ZFP64: variants seen among roughly 807,000 people sequenced by gnomAD.
ZFP64 encodes the protein zinc finger protein 64.
In ZFP64, 14 loss-of-function variants were observed where a neutral mutation model predicts 51.6. That is an observed-to-expected ratio of 0.27 (90% CI 0.18 to 0.42). The LOEUF is 0.42. Among genes scored for constraint, ZFP64 ranks in the 10% least tolerant of loss-of-function variants. The pLI is 1.00. For synonymous variants in ZFP64, 375 were observed against 361.4 expected (o/e 1.04, Z -0.43); for missense variants, 754 against 906.8 (o/e 0.83, Z 2.16).
downstream of ZFP64, among the ~76,000 whole-genome samples, chr20:52,148,492 G>A (rs567338176): frequency 1.3e-5 from 2 of 152,220 alleles, no homozygotes; most frequent in Non-Finnish European, 2.9e-5. Flanking sequence ...CTGGAGGCCA[G>A]GAGTTTAAGA....
In ZFP64 at chr20:52,188,378, G is replaced by A. The variant is rs369743069; in HGVS notation, c.47-1307C>T. 5.1e-3 allele frequency among the ~76,000 whole-genome samples: 712 copies of A among 138,314 alleles called. 4 individuals are homozygous for A. Among genetic ancestry groups the A allele is most frequent in the African/African-American group, 0.017 (648 of 37,064 alleles). 90.7% of individuals were successfully genotyped at this position (138,314 alleles called of 152,430 possible). A position where few individuals can be genotyped will look rare whatever the true frequency, so the allele number is the denominator to read the frequency against. On this transcript the variant is annotated intron_variant, in intron 1 of 5. Transcript: ENST00000216923. ...CACCCAGGTTGGAGTGCAGTGGTGC[G>A]ATCTCGGCTCACTGCAAGCTCTGCC...
exon 9 of ZFP64, chr20:52,084,427 G>T: frequency 2.3e-6 from 2 of 858,884 alleles, no homozygotes; most frequent in Non-Finnish European, 3.5e-6. Context: ...GCCTCTGAAG[G>T]CCTGTGAAGT....
intron 7 of ZFP64, among the ~76,000 whole-genome samples, chr20:52,094,663 G>T (rs1244720610): frequency 6.6e-6 from 1 of 152,128 alleles, no homozygotes; most frequent in Non-Finnish European, 1.5e-5. Context: ...AGAAGCAGAG[G>T]CATGAGGATC....
intron 5 of ZFP64, among the ~76,000 whole-genome samples, chr20:52,102,881 T>TA (rs1234063462): frequency 6.6e-6 from 1 of 152,228 alleles, no homozygotes; most frequent in African/African-American, 2.4e-5. Flanking sequence ...TAAATGCTAT[T>TA]AGTGTTATTC....
Position 52,181,103 on chromosome 20 carries a change from C to T in ZFP64, c.286+5729G>A, listed in dbSNP as rs143809222. 5.7e-3 allele frequency among the ~76,000 whole-genome samples: 863 copies of T among 152,066 alleles called. 11 individuals are homozygous for T. Among genetic ancestry groups the T allele is most frequent in the African/African-American group, 0.02 (826 of 41,508 alleles). On this transcript the variant is annotated intron_variant, in intron 2 of 5. Transcript: ENST00000216923. ...GATTACAGGCACCTGCCACCATGCC[C>T]GGCTAATTTTTGTATTTTTAGTAGA...
At position 52,175,962 on chromosome 20, in the gene ZFP64, C is replaced by A. The variant is rs184745611; in HGVS notation, c.287-9937G>T. The A allele has an allele frequency of 1.5e-5, 15 of 984,466 alleles. No homozygotes were observed. The Admixed American group carries it at 5.0e-4, about 33-fold the overall frequency. The allele number at this position is 984,466 out of a possible 1,614,324, so 61.0% of individuals were successfully genotyped here. ...AACGGCCTTTACCGTCCACAGTGGGCGTTAGACCGGCCCAAATGTCCCTCC... is the reference window on the plus strand; with the variant it reads ...AACGGCCTTTACCGTCCACAGTGGGAGTTAGACCGGCCCAAATGTCCCTCC... On this transcript the variant is annotated intron_variant, in intron 2 of 5. Coordinates refer to ENST00000216923, the MANE Select transcript of ZFP64 (RefSeq NM_018197.3).
chr20:52,152,101 C>T lies in ZFP64; in HGVS notation c.*45G>A. 6.4e-7 allele frequency: 1 copy of T among 1,570,820 alleles called. No homozygotes were observed. The highest frequency in any genetic ancestry group is 1.2e-5 in the South Asian group (1 of 85,132). ...TTTTAGAGAATTCTACTTAAGATTT[C>T]TTTTTCTCAATTCCTTTCCCCCACT... On this transcript the variant is annotated 3_prime_UTR_variant, in exon 6 of 6. Transcript: ENST00000216923.
At chr20:52,129,143 G>A (rs180675080) in intron 5 of ZFP64, among the ~76,000 whole-genome samples, 2 of 148,976 alleles carry the variant, frequency 1.3e-5, no homozygotes, top group Admixed American at 1.3e-4. Context: ...GAGCAGTGGC[G>A]CGATCTCGGC....
chr20:52,096,999 G>A, intron 7 of ZFP64: 1 of 565,654 alleles, frequency 1.8e-6, no homozygotes, highest in Non-Finnish European at 3.5e-6. Flanking sequence ...GGTAAATGAA[G>A]GAGCATGCCA....
chr20:52,104,309 G>A (rs896429203), intron 5 of ZFP64, among the ~76,000 whole-genome samples: 1 of 152,206 alleles, frequency 6.6e-6, no homozygotes, highest in Non-Finnish European at 1.5e-5. Flanking sequence ...CCCTCCCGCA[G>A]GCTCTTCTGA....
intron 5 of ZFP64, chr20:52,111,139 G>T: frequency 1.4e-6 from 1 of 726,464 alleles, no homozygotes; most frequent in Non-Finnish European, 2.5e-6. Flanking sequence ...CACATCGCCG[G>T]GTTCCGCGAC....
intron 7 of ZFP64, among the ~76,000 whole-genome samples, chr20:52,092,026 T>C (rs910419527): frequency 6.6e-6 from 1 of 151,988 alleles, no homozygotes; most frequent in African/African-American, 2.4e-5. Context: ...TAGTCTATAA[T>C]GGCTTTAAAG....
rs2078860196 is a variant in ZFP64, at chr20:52,085,982, G to A, written c.1229-716C>T. Among the ~76,000 whole-genome samples the A allele has an allele frequency of 6.6e-6, 1 of 152,074 alleles. No homozygotes were observed. The highest frequency in any genetic ancestry group is 1.5e-5 in the Non-Finnish European group (1 of 68,024). On this transcript the variant is annotated intron_variant, in intron 8 of 8. Coordinates refer to the ZFP64 transcript ENST00000361387. This position sits in a 1 kb window ranked among gnomAD's most constrained non-coding sequence, Gnocchi z 4.3. ...CCATCCTTTCCCTAACCTCTCCCCT[G>A]CATTCTGGTGGTTGTGACTTTTACA...
At chr20:52,116,222 A>G (rs77774092) in intron 5 of ZFP64, among the ~76,000 whole-genome samples, 26,584 of 147,940 alleles carry the variant, frequency 0.18, 2,468 homozygotes, top group Non-Finnish European at 0.21. Flanking sequence ...TGTAACTTCC[A>G]CCTCCCAGGT....
At chr20:52,127,181 A>C (rs190924830) in intron 5 of ZFP64, among the ~76,000 whole-genome samples, 19 of 151,916 alleles carry the variant, frequency 1.3e-4, no homozygotes, top group African/African-American at 4.1e-4. Context: ...CAATCTCCTG[A>C]CCTCATGATC....
intron 2 of ZFP64, among the ~76,000 whole-genome samples, chr20:52,167,315 A>C (rs1225811873): frequency 6.6e-6 from 1 of 152,072 alleles, no homozygotes; most frequent in Non-Finnish European, 1.5e-5. Context: ...ACAAGAGCAA[A>C]ACTCTGTCTC....
chr20:52,147,816 A>G (rs1304096163), downstream of ZFP64, among the ~76,000 whole-genome samples: 1 of 152,078 alleles, frequency 6.6e-6, no homozygotes, highest in Non-Finnish European at 1.5e-5. Context: ...GGAGTGCAAG[A>G]CCAGCCTGGT....
chr20:52,186,862 T>C lies in ZFP64; in HGVS notation c.256A>G (p.Thr86Ala). Reference sequence around the variant, plus strand: ...ATTGTCTGGGTCTCCGAGGTGATGGTTCTGGTGGTGGTCTGAGTCTGGGTG... The same window carrying C: ...ATTGTCTGGGTCTCCGAGGTGATGGCTCTGGTGGTGGTCTGAGTCTGGGTG... The part of the protein sequence containing the change: ...PATQTQTTTR[T>A]ITSETQTITV... Residue 86 changes from threonine (T) to alanine (A), a missense_variant, in exon 2 of 6, where the codon ACC (threonine) becomes GCC (alanine). Around this residue, in one of 3 missense-constraint regions of ZFP64, gnomAD observed 231 missense variants for 336.7 expected, o/e 0.69. Transcript: ENST00000216923. 6.2e-7 allele frequency: 1 copy of C among 1,612,940 alleles called. No individual in the cohort carries two copies. The highest frequency in any genetic ancestry group is 8.5e-7 in the Non-Finnish European group (1 of 1,179,016).
rs1286918605 is a variant in ZFP64, at chr20:52,153,356, C to T, written c.836G>A (p.Arg279Gln). 1.9e-6 allele frequency: 3 copies of T among 1,614,194 alleles called. No individual in the cohort carries two copies. The highest frequency in any genetic ancestry group is 2.2e-5 in the South Asian group (2 of 91,086). ...KISSDLKRHM[R>Q]VHSGEKPFKC... is the part of the protein sequence containing the mutation. ...GAAAGGCTTCTCCCCCGAGTGCACC[C>T]GCATGTGCCTTTTCAAGTCCGAGCT... Residue 279 changes from arginine (R) to glutamine (Q), a missense_variant, in exon 6 of 6, where the codon CGG (arginine) becomes CAG (glutamine). By Grantham distance (43) the Arg-to-Gln change is conservative (BLOSUM62 1). Around this residue, in one of 3 missense-constraint regions of ZFP64, gnomAD observed 231 missense variants for 336.7 expected, o/e 0.69. Transcript: ENST00000216923. The surrounding 1 kb of genome is among the most constrained non-coding windows in gnomAD (Gnocchi z 5.1).
Sources: allele counts gnomAD v4.1 joint callset (sites outside exome capture counted in the v4.1 genomes callset), GRCh38; gene constraint gnomAD v4.1.1; regional missense constraint gnomAD v4.1.1; non-coding constraint Gnocchi (gnomAD v3.1); transcripts MANE v1.5; gene names NCBI Gene and HGNC (gene_info 2026-07-23, HGNC 2026-07-21).